TAS1R2: variants seen among roughly 807,000 people sequenced by gnomAD.
The protein encoded by TAS1R2 is taste 1 receptor member 2.
In TAS1R2, 47 loss-of-function variants were observed where a neutral mutation model predicts 49.3. The ratio of observed to expected loss-of-function variants is 0.95; its 90% CI spans 0.75 to 1.22. The LOEUF (loss-of-function observed/expected upper bound fraction) is 1.22, where lower values mean the gene tolerates loss of function less well. Among genes scored for constraint, TAS1R2 ranks in the 50% most tolerant of loss-of-function variants. The pLI is 0.00. For missense variants in TAS1R2, 1,155 were observed against 1,122.1 expected (o/e 1.03, Z -0.42); for synonymous variants, 479 against 467.9 (o/e 1.02, Z -0.31).
chr1:18,852,415 T>C (rs1934047523), intron 3 of TAS1R2, among the ~76,000 whole-genome samples: 3 of 152,130 alleles, frequency 2.0e-5, no homozygotes, highest in Non-Finnish European at 4.4e-5. Context: ...AGCATCTTGG[T>C]CTAACTTGTC....
exon 1 of TAS1R2, chr1:18,859,605 G>A (rs753816644): frequency 6.2e-7 from 1 of 1,614,248 alleles, no homozygotes; most frequent in South Asian, 1.1e-5. Context: ...AGCCGGCTCA[G>A]CCAGGACCCA....
intron 5 of TAS1R2, among the ~76,000 whole-genome samples, chr1:18,841,402 A>ATTCT (rs1933821425): frequency 2.0e-5 from 3 of 152,190 alleles, no homozygotes; most frequent in Non-Finnish European, 4.4e-5. Flanking sequence ...TCATTCATTC[A>ATTCT]TTCATCCAGT....
At chr1:18,849,625 G>A (rs915952686) in intron 3 of TAS1R2, 75 bp from the exon 4 acceptor site, 6 of 1,504,648 alleles carry the variant, frequency 4.0e-6, no homozygotes, top group Non-Finnish European at 5.5e-6. Flanking sequence ...ACCTGGGAAA[G>A]ATTCTACCAT....
rs116996808 is a variant in TAS1R2, at chr1:18,850,979, C to T, written c.1258-1429G>A. Among the ~76,000 whole-genome samples, 418 of 152,328 alleles carry T rather than the reference C, an allele frequency of 2.7e-3. 8 individuals are homozygous for T. Among genetic ancestry groups the T allele is most frequent in the East Asian group, 0.023 (118 of 5,186 alleles). ...AATTTGCATCATGATTGCACATCCC[C>T]TCAATAACTCAGCAGGGCACATATG... On this transcript the variant is annotated intron_variant, in intron 3 of 5. Transcript: ENST00000375371.
At chr1:18,851,625 G>A (rs186083633) in intron 3 of TAS1R2, among the ~76,000 whole-genome samples, 50 of 152,138 alleles carry the variant, frequency 3.3e-4, no homozygotes, top group Admixed American at 2.2e-3. Context: ...CACCGCACCC[G>A]GCCAACCTGC....
chr1:18,840,900 A>G (rs1933812345), intron 5 of TAS1R2, among the ~76,000 whole-genome samples: 2 of 152,046 alleles, frequency 1.3e-5, no homozygotes, highest in South Asian at 4.1e-4. Context: ...CATTCAATAC[A>G]CGTGTTTTTG....
chr1:18,851,402 G>A (rs1052849512), intron 3 of TAS1R2, among the ~76,000 whole-genome samples: 3 of 151,952 alleles, frequency 2.0e-5, no homozygotes, highest in Non-Finnish European at 2.9e-5. Context: ...ATCTCAGATC[G>A]GACTACAACA....
At chr1:18,858,231 ACCACCC>A (rs1361793521) in intron 1 of TAS1R2, 9 of 153,730 alleles carry the variant, frequency 5.9e-5, no homozygotes, top group Admixed American at 5.8e-4. Flanking sequence ...CACCATCATC[ACCACCC>A]CCATCACCAT....
chr1:18,855,664 C>A (rs1934126701), intron 2 of TAS1R2, among the ~76,000 whole-genome samples: 1 of 152,192 alleles, frequency 6.6e-6, no homozygotes, highest in South Asian at 2.1e-4. Flanking sequence ...CGGGACTTCT[C>A]TCCTGAACTT....
chr1:18,857,199 T>A, intron 2 of TAS1R2, 132 bp downstream of exon 2: 1 of 1,038,792 alleles, frequency 9.6e-7, no homozygotes, highest in Non-Finnish European at 1.4e-6. Flanking sequence ...AGATTTGGGC[T>A]GATGTCCTGA....
intron 4 of TAS1R2, among the ~76,000 whole-genome samples, chr1:18,848,253 C>T (rs1461581749): frequency 6.6e-6 from 1 of 152,144 alleles, no homozygotes; most frequent in Admixed American, 6.5e-5. Context: ...CTCTCGGTGC[C>T]TTCAGTTTCC....
intron 4 of TAS1R2, 62 bp from the exon 5 acceptor site, chr1:18,841,914 C>G (rs1319890311): frequency 4.7e-6 from 7 of 1,501,760 alleles, no homozygotes; most frequent in Non-Finnish European, 6.3e-6. Flanking sequence ...GGCCCCCTCC[C>G]CTCTCCAACC....
intron 2 of TAS1R2, 37 bp downstream of exon 2, chr1:18,857,294 C>G (rs760905037): frequency 1.3e-5 from 21 of 1,594,556 alleles, no homozygotes; most frequent in Non-Finnish European, 1.7e-5. Context: ...CCTCTGCCCC[C>G]CTCCCCAGGT....
At chr1:18,849,295 C>T in intron 4 of TAS1R2, 46 bp downstream of exon 4, 1 of 1,606,214 alleles carries the variant, frequency 6.2e-7, no homozygotes, top group Non-Finnish European at 8.5e-7. Context: ...GCAAGGGCCC[C>T]AGGCCCCGCC....
intron 4 of TAS1R2, among the ~76,000 whole-genome samples, chr1:18,847,524 G>C (rs1052880605): frequency 6.9e-6 from 1 of 145,164 alleles, no homozygotes; most frequent in Non-Finnish European, 1.5e-5. Context: ...GTCGGGGACT[G>C]GGGGGAAGAG....
exon 1 of TAS1R2, chr1:18,859,538 G>C: frequency 6.2e-7 from 1 of 1,614,234 alleles, no homozygotes. Context: ...TGTTGGCATG[G>C]AGGGAGAAGA....
chr1:18,855,544 C>T (rs765928310), intron 2 of TAS1R2, among the ~76,000 whole-genome samples: 1 of 152,146 alleles, frequency 6.6e-6, no homozygotes, highest in African/African-American at 2.4e-5. Flanking sequence ...GCTCAGGCCT[C>T]AGTCCCTGCC....
chr1:18,852,674 C>T (rs1207336491), intron 3 of TAS1R2, among the ~76,000 whole-genome samples: 5 of 152,192 alleles, frequency 3.3e-5, no homozygotes, highest in Non-Finnish European at 7.3e-5. Context: ...GTAACACCTG[C>T]AGTTCCCGTC....
chr1:18,844,100 C>T (rs1569660566), intron 4 of TAS1R2, among the ~76,000 whole-genome samples: 2 of 152,164 alleles, frequency 1.3e-5, no homozygotes, highest in Non-Finnish European at 2.9e-5. Context: ...GGACTGCTGC[C>T]ATACTAAGCT....
Sources: allele counts gnomAD v4.1 joint callset (sites outside exome capture counted in the v4.1 genomes callset), GRCh38; gene constraint gnomAD v4.1.1; transcripts MANE v1.5; gene names NCBI Gene and HGNC (gene_info 2026-07-23, HGNC 2026-07-21).